CAPRIN2: variants seen among roughly 807,000 people sequenced by gnomAD.
CAPRIN2 encodes the protein caprin family member 2, also known as caprin-2.
Under a neutral mutation model 130.4 loss-of-function variants are expected in CAPRIN2, and 66 were observed. The observed-to-expected ratio is 0.51, with a 90% CI of 0.42 to 0.62. CAPRIN2 has a LOEUF of 0.62. CAPRIN2 is among the 20% of genes least tolerant of loss of function. CAPRIN2 has a pLI of 0.00. For missense variants in CAPRIN2, 1,185 were observed against 1,246.6 expected (o/e 0.95, Z 0.74); for synonymous variants, 471 against 444.1 (o/e 1.06, Z -0.76).
chr12:30,741,617 T>C (rs2067476071), intron 2 of CAPRIN2, among the ~76,000 whole-genome samples: 1 of 152,146 alleles, frequency 6.6e-6, no homozygotes, highest in Non-Finnish European at 1.5e-5. Context: ...AAACTTTTTT[T>C]TAAAGATTTC....
chr12:30,743,222 G>A (rs937579565), intron 2 of CAPRIN2, among the ~76,000 whole-genome samples: 29 of 146,094 alleles, frequency 2.0e-4, no homozygotes, highest in African/African-American at 7.4e-4. Flanking sequence ...TTCTAACAAA[G>A]AGCTGCTCCC....
At chr12:30,750,971 G>A in intron 2 of CAPRIN2, 100 bp downstream of exon 3, 1 of 693,446 alleles carries the variant, frequency 1.4e-6, no homozygotes, top group East Asian at 3.1e-5. Flanking sequence ...GATTTTAACT[G>A]TGTGTGTGTG....
chr12:30,735,508 T>G (rs2064349188), intron 3 of CAPRIN2, among the ~76,000 whole-genome samples: 1 of 152,182 alleles, frequency 6.6e-6, no homozygotes, highest in Non-Finnish European at 1.5e-5. Context: ...CCATATTCAT[T>G]TCAACATTTT....
chr12:30,715,451 T>C (rs1168178118), intron 13 of CAPRIN2: 1 of 472,508 alleles, frequency 2.1e-6, no homozygotes, highest in Admixed American at 2.3e-5. Context: ...TTATATGAGG[T>C]ACCTAGAGCA....
chr12:30,753,186 T>C (rs896647424), intron 1 of CAPRIN2, among the ~76,000 whole-genome samples, 158 bp downstream of exon 2: 3 of 152,164 alleles, frequency 2.0e-5, no homozygotes, highest in African/African-American at 7.2e-5. Context: ...AAACAGAAAA[T>C]GTTTAATATT....
chr12:30,710,451 A>C lies in CAPRIN2; in HGVS notation c.2685T>G (p.Ser895=), dbSNP rs754416397. 3.7e-6 allele frequency: 6 copies of C among 1,614,094 alleles called. No individual in the cohort carries two copies. Among genetic ancestry groups the C allele is most frequent in the Non-Finnish European group, 5.1e-6 (6 of 1,179,982 alleles). The change falls in exon 17 of 17, where the codon TCT becomes TCG. Residue 895 remains serine, a synonymous_variant. Coordinates refer to ENST00000298892, the Ensembl canonical transcript of CAPRIN2. The surrounding 1 kb of genome is among the most constrained non-coding windows in gnomAD (Gnocchi z 4.8). ...TGTCTCTTTCTGGGCTGCTCACCTG[A>C]GAAGAATCACTCCACCCTGCTGTTT...
At chr12:30,728,425 T>C (rs1389727977) in intron 8 of CAPRIN2, 4 of 446,416 alleles carry the variant, frequency 9.0e-6, no homozygotes, top group Non-Finnish European at 1.6e-5. Context: ...TGTGGTGGCA[T>C]GCGCCTGTAG....
intron 4 of CAPRIN2, among the ~76,000 whole-genome samples, chr12:30,734,088 C>A (rs2063624086): frequency 6.6e-6 from 1 of 152,112 alleles, no homozygotes; most frequent in Non-Finnish European, 1.5e-5. Context: ...GCTTATTTAA[C>A]AAATTATGTT....
chr12:30,750,496 G>A (rs1041688644), intron 2 of CAPRIN2, among the ~76,000 whole-genome samples: 3 of 150,538 alleles, frequency 2.0e-5, no homozygotes, highest in Non-Finnish European at 2.9e-5. Flanking sequence ...GAAGTTAACC[G>A]ATGGAAAAAA....
Position 30,710,031 on chromosome 12 carries a change from A to C in CAPRIN2, c.3105T>G (p.Thr1035=), listed in dbSNP as rs1204523298. The C allele has an allele frequency of 6.2e-7, 1 of 1,614,168 alleles. No homozygotes were observed. The highest frequency in any genetic ancestry group is 1.1e-5 in the South Asian group (1 of 91,088). The change falls in exon 17 of 17, where the codon ACT becomes ACG. Residue 1035 remains threonine (T), a synonymous_variant. Transcript: ENST00000298892. The surrounding 1 kb of genome is among the most constrained non-coding windows in gnomAD (Gnocchi z 4.8). ...GCTGAAGAATTGCATGATTGCTAGCAGTTTCATGGTCTGGAGCACCATCAT... is the reference window on the plus strand; with the variant it reads ...GCTGAAGAATTGCATGATTGCTAGCCGTTTCATGGTCTGGAGCACCATCAT...
chr12:30,752,081 G>A (rs2074250795), intron 1 of CAPRIN2, among the ~76,000 whole-genome samples: 1 of 151,766 alleles, frequency 6.6e-6, no homozygotes. Flanking sequence ...ACCACGCCTG[G>A]CTAATTCTTT....
At chr12:30,749,162 C>T (rs1432336321) in intron 2 of CAPRIN2, among the ~76,000 whole-genome samples, 1 of 152,082 alleles carries the variant, frequency 6.6e-6, no homozygotes, top group African/African-American at 2.4e-5. Context: ...TGCAAAAAAC[C>T]CTGCAGAAGT....
At chr12:30,749,319 T>C (rs1340068452) in intron 2 of CAPRIN2, among the ~76,000 whole-genome samples, 3 of 152,100 alleles carry the variant, frequency 2.0e-5, no homozygotes, top group African/African-American at 7.2e-5. Context: ...TAAGGACATT[T>C]TACCACCAGA....
exon 1 of CAPRIN2, chr12:30,753,558 G>A: frequency 6.2e-7 from 1 of 1,614,124 alleles, no homozygotes; most frequent in Non-Finnish European, 8.5e-7. Flanking sequence ...GCCTGAAGGT[G>A]ACTGGTAACC....
chr12:30,748,730 T>C (rs1461970506), intron 2 of CAPRIN2, among the ~76,000 whole-genome samples: 1 of 152,206 alleles, frequency 6.6e-6, no homozygotes, highest in Non-Finnish European at 1.5e-5. Flanking sequence ...ATGTATGAGG[T>C]GTGATTTCTC....
rs753775287 is a variant in CAPRIN2 at position 30,735,061 on chromosome 12, C to A, written c.716G>T (p.Gly239Val). Residue 239 changes from glycine to valine, a missense_variant, in exon 4 of 17, where the codon GGT (glycine) becomes GTT (valine). By Grantham distance (109) the Gly-to-Val change is moderately radical. This residue lies in a region of CAPRIN2 where 1,104 missense variants were observed against 1,104.3 expected (regional missense o/e 1.00). Coordinates refer to ENST00000298892, the Ensembl canonical transcript of CAPRIN2. ...AGGCAAATACACTGCACCATTCAAA[C>A]CCCCTTTGAAGTCTTTTTGTACGTG... is the stretch of plus-strand genomic sequence containing the variant. 6 of 1,614,090 alleles carry A rather than the reference C, an allele frequency of 3.7e-6. No individual in the cohort carries two copies. In the South Asian group the frequency reaches 5.5e-5, roughly 15 times the overall value.
At position 30,719,213 on chromosome 12, in the gene CAPRIN2, G is replaced by A. The variant is rs367558251; in HGVS notation, c.2148+1598C>T. On this transcript the variant is annotated intron_variant, in intron 12 of 16. Transcript: ENST00000298892. ...GCTAGTGAAGACGGTTGCTTGCCTGGGGGAATTGCTGCCTGGGGAGGAGAA... is the reference window on the plus strand; with the variant it reads ...GCTAGTGAAGACGGTTGCTTGCCTGAGGGAATTGCTGCCTGGGGAGGAGAA... 1.9e-6 allele frequency: 3 copies of A among 1,613,766 alleles called. No homozygotes were observed. The African/African-American group carries it at 4.0e-5, about 22-fold the overall frequency.
At chr12:30,747,558 T>C (rs1027112546) in intron 2 of CAPRIN2, among the ~76,000 whole-genome samples, 1 of 151,878 alleles carries the variant, frequency 6.6e-6, no homozygotes, top group Non-Finnish European at 1.5e-5. Context: ...ATGCCTGTGA[T>C]CCTAGCTACT....
chr12:30,723,252 A>G lies in CAPRIN2; in HGVS notation c.2043+7T>C, dbSNP rs1223183402. 1 of 1,599,468 alleles carries G rather than the reference A, an allele frequency of 6.3e-7. No homozygotes were observed. The highest frequency in any genetic ancestry group is 2.2e-5 in the East Asian group (1 of 44,714). ...GCAAAGAATAAAAGATTAATTTGGA[A>G]AGTTACCTGTAACGGCTCTTGAAGA... On this transcript the variant is annotated splice_region_variant and intron_variant, in intron 11 of 16. Coordinates refer to ENST00000298892, the Ensembl canonical transcript of CAPRIN2.
Sources: allele counts gnomAD v4.1 joint callset (sites outside exome capture counted in the v4.1 genomes callset), GRCh38; gene constraint gnomAD v4.1.1; regional missense constraint gnomAD v4.1.1; non-coding constraint Gnocchi (gnomAD v3.1); transcripts MANE v1.5; gene names NCBI Gene and HGNC (gene_info 2026-07-23, HGNC 2026-07-21).